Variants in CFLAR observed in about 807,000 individuals in gnomAD.
The protein encoded by CFLAR is CASP8 and FADD-like apoptosis regulator.
CFLAR carries 14 observed loss-of-function variants against 51.1 expected under a neutral mutation model. That is an observed-to-expected ratio of 0.27 (90% CI 0.18 to 0.43). The LOEUF is 0.43. Ranked by LOEUF, CFLAR falls within the 20% of genes least tolerant of loss-of-function variation. The pLI is 1.00. For missense variants in CFLAR, 390 were observed against 566.5 expected, an observed-to-expected ratio of 0.69 and a Z score of 3.16; for synonymous variants, 210 against 211.6, an observed-to-expected ratio of 0.99 and a Z score of 0.06.
Position 201,166,864 on chromosome 2 carries a change from G to C in CFLAR, c.*2891G>C, listed in dbSNP as rs1015945195. On this transcript the variant is annotated 3_prime_UTR_variant, in exon 10 of 10. Coordinates refer to ENST00000309955, the MANE Select transcript of CFLAR (RefSeq NM_003879.7). ...CGCAATGGCAGGCACGCGGCAGGCCGAGGCGGGAGAATCAGGCAGGGAGGC... is the reference window on the plus strand; with the variant it reads ...CGCAATGGCAGGCACGCGGCAGGCCCAGGCGGGAGAATCAGGCAGGGAGGC... 1 of 155,452 alleles carries C rather than the reference G, an allele frequency of 6.4e-6. No individual in the cohort carries two copies. Among genetic ancestry groups the C allele is most frequent in the Non-Finnish European group, 1.4e-5 (1 of 70,698 alleles). The allele number at this position is 155,452 out of a possible 1,614,324, so 9.6% of individuals were successfully genotyped here.
chr2:201,132,903 G>A (rs905360371), intron 2 of CFLAR, 126 bp from the exon 3 acceptor site: 2 of 850,902 alleles, frequency 2.4e-6, no homozygotes, highest in Non-Finnish European at 3.6e-6. Context: ...TTATGAGGGA[G>A]GGACATATTT....
Position 201,160,576 on chromosome 2 carries a change from T to A in CFLAR, c.938T>A (p.Val313Glu). The change falls in exon 9 of 10, where the codon GTG becomes GAG. Residue 313 changes from valine (V) to glutamate (E), a missense_variant. Transcript: ENST00000309955. ...RDYDSFVCVL[V>E]SRGGSQSVYG... Reference sequence around the variant, plus strand: ...TACGACAGCTTTGTGTGTGTCCTGGTGAGCCGAGGAGGCTCCCAGAGTGTG... The same window carrying A: ...TACGACAGCTTTGTGTGTGTCCTGGAGAGCCGAGGAGGCTCCCAGAGTGTG... 6.2e-7 allele frequency: 1 copy of A among 1,614,056 alleles called. No homozygotes were observed. Among genetic ancestry groups the A allele is most frequent in the Non-Finnish European group, 8.5e-7 (1 of 1,179,990 alleles).
chr2:201,163,577 C>T (rs1342262302), intron 9 of CFLAR: 1 of 1,262,802 alleles, frequency 7.9e-7, no homozygotes, highest in African/African-American at 1.5e-5. Context: ...TCCCCATTTG[C>T]ATAGATGATC....
intron 1 of CFLAR, among the ~76,000 whole-genome samples, chr2:201,123,703 G>T (rs1445142182): frequency 6.6e-6 from 1 of 152,156 alleles, no homozygotes; most frequent in Non-Finnish European, 1.5e-5. Flanking sequence ...TATAAAATAT[G>T]ACTTCTAATT....
At chr2:201,151,851 T>G (rs1941335685) in intron 8 of CFLAR, among the ~76,000 whole-genome samples, 5 of 152,202 alleles carry the variant, frequency 3.3e-5, no homozygotes, top group Admixed American at 3.3e-4. Flanking sequence ...AATGTATATT[T>G]GAATTTTTCT....
At chr2:201,151,960 C>T (rs998141618) in intron 8 of CFLAR, among the ~76,000 whole-genome samples, 1 of 151,112 alleles carries the variant, frequency 6.6e-6, no homozygotes. Context: ...TGGGCAATGT[C>T]CCTGGCCTCT....
intron 8 of CFLAR, among the ~76,000 whole-genome samples, chr2:201,152,352 G>A (rs1359050595): frequency 6.6e-6 from 1 of 151,304 alleles, no homozygotes; most frequent in Non-Finnish European, 1.5e-5. Context: ...CTGAGTTCTC[G>A]GCCTTCTTAA....
chr2:201,140,288 C>T, intron 4 of CFLAR, 69 bp from the exon 5 acceptor site: 1 of 1,568,372 alleles, frequency 6.4e-7, no homozygotes, highest in Non-Finnish European at 8.7e-7. Context: ...TTGGACTGAA[C>T]CACTATTGAA....
Position 201,160,707 on chromosome 2 carries a change from A to G in CFLAR, c.1069A>G (p.Ile357Val). Residue 357 changes from isoleucine to valine, a missense_variant, in exon 9 of 10, where the codon ATT (isoleucine) becomes GTT (valine). Physicochemically the swap from Ile to Val is conservative, Grantham distance 29 (BLOSUM62 3). Transcript: ENST00000309955. Reference protein sequence around the residue: ...YLAGKPKMFFIQNYVVSEGQL... With the variant: ...YLAGKPKMFFVQNYVVSEGQL... ...AGCAGGGAAGCCAAAGATGTTTTTT[A>G]TTCAGAACTATGTGGTGTCAGAGGG... is the stretch of plus-strand genomic sequence containing the variant. 1 of 1,614,020 alleles carries G rather than the reference A, an allele frequency of 6.2e-7. No homozygotes were observed. The highest frequency in any genetic ancestry group is 2.2e-5 in the East Asian group (1 of 44,866).
chr2:201,141,239 T>C (rs912966334), intron 5 of CFLAR: 30 of 1,192,046 alleles, frequency 2.5e-5, no homozygotes, highest in Non-Finnish European at 3.2e-5. Flanking sequence ...TCAAAAAAAA[T>C]GTTTTCTTCC....
At position 201,147,022 on chromosome 2, in the gene CFLAR, C is replaced by T. The variant is rs140540534; in HGVS notation, c.661+1590C>T. On this transcript the variant is annotated intron_variant, in intron 6 of 9. Coordinates refer to ENST00000309955, the MANE Select transcript of CFLAR (RefSeq NM_003879.7). ...GGTGAGGTGATGAGAATTAGTATTC[C>T]GAAGCCTGTTTAAAGGGAAAATAGG... is the stretch of plus-strand genomic sequence containing the variant. 4.3e-3 allele frequency among the ~76,000 whole-genome samples: 658 copies of T among 152,136 alleles called. 11 individuals are homozygous for T. Among genetic ancestry groups the T allele is most frequent in the African/African-American group, 0.015 (626 of 41,504 alleles).
rs1385528684 is a variant in CFLAR, at chr2:201,167,269, T to G, written c.*3296T>G. On this transcript the variant is annotated 3_prime_UTR_variant, in exon 10 of 10. Transcript: ENST00000309955. The stretch of plus-strand genomic sequence containing the variant: ...CTATAATCTGAGTACTTTGGGAGGC[T>G]GAGGTGGACTGATCACTTGAGCCCA... The G allele has an allele frequency of 6.6e-6, 1 of 152,130 alleles. No individual in the cohort carries two copies. Among genetic ancestry groups the G allele is most frequent in the African/African-American group, 2.4e-5 (1 of 41,420 alleles). 9.4% of individuals were successfully genotyped at this position (152,130 alleles called of 1,614,324 possible). A position where few individuals can be genotyped will look rare whatever the true frequency, so the allele number is the denominator to read the frequency against.
intron 5 of CFLAR, chr2:201,141,551 T>G: frequency 1.5e-6 from 2 of 1,309,998 alleles, no homozygotes; most frequent in Non-Finnish European, 2.0e-6. Context: ...CTTTCCAATC[T>G]TTTGTTACTA....
intron 8 of CFLAR, among the ~76,000 whole-genome samples, chr2:201,152,088 G>A (rs1177998227): frequency 6.6e-6 from 1 of 151,922 alleles, no homozygotes; most frequent in Non-Finnish European, 1.5e-5. Context: ...CTGGGTTCAA[G>A]CAATTCTCCT....
intron 1 of CFLAR, among the ~76,000 whole-genome samples, chr2:201,121,070 G>A (rs937491428): frequency 1.4e-4 from 21 of 152,184 alleles, no homozygotes; most frequent in African/African-American, 3.4e-4. Context: ...TAGAAGCAGC[G>A]CAAAAGTTTC....
At chr2:201,137,992 A>G in intron 4 of CFLAR, 1 of 743,222 alleles carries the variant, frequency 1.3e-6, no homozygotes, top group Non-Finnish European at 2.5e-6. Flanking sequence ...GGCACACCAA[A>G]GTTCTGGGTA....
At position 201,129,852 on chromosome 2, in the gene CFLAR, A is replaced by G; in HGVS notation, c.-14A>G. On this transcript the variant is annotated 5_prime_UTR_variant, in exon 2 of 10. It removes the in-frame stop codon of an upstream open reading frame in the 5' UTR. Transcript: ENST00000309955. ...CTGCAAGACCCTTGTGAGCTTCCCT[A>G]GTCTAAGAGTAGGATGTCTGCTGAA... The G allele has an allele frequency of 6.2e-7, 1 of 1,611,948 alleles. No homozygotes were observed. The highest frequency in any genetic ancestry group is 1.3e-5 in the African/African-American group (1 of 74,236).
rs1271943274 is a variant in CFLAR at position 201,172,668 on chromosome 2, G to A, written c.*8695G>A. ...TATAAAAATAAACATGTGGCCTTTCGTGTCTGACTTCCTTCACTTAGCATG... is the reference window on the plus strand; with the variant it reads ...TATAAAAATAAACATGTGGCCTTTCATGTCTGACTTCCTTCACTTAGCATG... On this transcript the variant is annotated 3_prime_UTR_variant, in exon 10 of 10. Transcript: ENST00000309955. The A allele has an allele frequency of 6.6e-6, 1 of 152,098 alleles. No individual in the cohort carries two copies. The highest frequency in any genetic ancestry group is 1.5e-5 in the Non-Finnish European group (1 of 68,026). 9.4% of individuals were successfully genotyped at this position (152,098 alleles called of 1,614,324 possible).
chr2:201,161,415 TATTTA>T (rs765535259), intron 9 of CFLAR, among the ~76,000 whole-genome samples: 5 of 145,934 alleles, frequency 3.4e-5, no homozygotes, highest in Non-Finnish European at 6.0e-5. Flanking sequence ...TATTTATTTT[TATTTA>T]TTTTTTTTTT....
Sources: allele counts gnomAD v4.1 joint callset (sites outside exome capture counted in the v4.1 genomes callset), GRCh38; gene constraint gnomAD v4.1.1; transcripts MANE v1.5; gene names NCBI Gene and HGNC (gene_info 2026-07-23, HGNC 2026-07-21).